Variants in PIGU observed in about 807,000 individuals in gnomAD.
PIGU encodes phosphatidylinositol glycan anchor biosynthesis class U.
In PIGU, 24 loss-of-function variants were observed where a neutral mutation model predicts 49.9. That is an observed-to-expected ratio of 0.48 (90% CI 0.35 to 0.68). PIGU has a LOEUF of 0.68. PIGU is among the 30% of genes least tolerant of loss of function. The pLI is 0.01. For synonymous variants in PIGU, 220 were observed against 205.7 expected, an observed-to-expected ratio of 1.07 and a Z score of -0.59; for missense variants, 490 against 532.6, an observed-to-expected ratio of 0.92 and a Z score of 0.79.
intron 2 of PIGU, among the ~76,000 whole-genome samples, chr20:34,652,328 T>C (rs1050070937): frequency 2.0e-5 from 3 of 152,156 alleles, no homozygotes; most frequent in African/African-American, 7.2e-5. Context: ...TTTTGACCTA[T>C]GTATACATCC....
intron 6 of PIGU, among the ~76,000 whole-genome samples, chr20:34,624,467 T>C (rs1985376718): frequency 6.6e-6 from 1 of 152,216 alleles, no homozygotes; most frequent in Non-Finnish European, 1.5e-5. Context: ...ATAGCACTGA[T>C]CCTTCTTTCT....
chr20:34,671,070 T>C (rs1426722285), intron 1 of PIGU, among the ~76,000 whole-genome samples: 1 of 152,216 alleles, frequency 6.6e-6, no homozygotes, highest in East Asian at 1.9e-4. Context: ...TAGCTCTTCA[T>C]ACAAAATATT....
At chr20:34,600,234 C>G (rs1984364150) in intron 7 of PIGU, among the ~76,000 whole-genome samples, 1 of 152,126 alleles carries the variant, frequency 6.6e-6, no homozygotes, top group Non-Finnish European at 1.5e-5. Flanking sequence ...TGGCGAAACC[C>G]TGTCTCTACT....
At chr20:34,580,796 C>T (rs1427290781) in intron 10 of PIGU, among the ~76,000 whole-genome samples, 1 of 152,176 alleles carries the variant, frequency 6.6e-6, no homozygotes, top group African/African-American at 2.4e-5. Flanking sequence ...ATGAAAAGAA[C>T]CCACCATAGA....
chr20:34,602,712 A>G (rs994546016), intron 7 of PIGU, among the ~76,000 whole-genome samples: 34 of 152,228 alleles, frequency 2.2e-4, no homozygotes, highest in African/African-American at 7.5e-4. Flanking sequence ...CACAAAATGC[A>G]GGAAATTACA....
chr20:34,642,857 A>C (rs1168569694), intron 4 of PIGU, among the ~76,000 whole-genome samples: 1 of 148,730 alleles, frequency 6.7e-6, no homozygotes, highest in Non-Finnish European at 1.5e-5. Flanking sequence ...ACCTGGGTTC[A>C]ATTGATTCTT....
At position 34,561,069 on chromosome 20, in the gene PIGU, A is replaced by G; in HGVS notation, c.1195-90T>C. The G allele has an allele frequency of 8.0e-6, 7 of 870,346 alleles. No homozygotes were observed. In the South Asian group the frequency reaches 1.2e-4, roughly 14 times the overall value. The allele number at this position is 870,346 out of a possible 1,614,324, so 53.9% of individuals were successfully genotyped here. A position where few individuals can be genotyped will look rare whatever the true frequency, so the allele number is the denominator to read the frequency against. On this transcript the variant is annotated intron_variant, in intron 11 of 11. Coordinates refer to ENST00000217446, the MANE Select transcript of PIGU (RefSeq NM_080476.5). Reference sequence around the variant, plus strand: ...CTGCTGGCAGGTGTTGTTGGAAGACAGGAACGCCCCTGCCTGGCTCTGGAT... The same window carrying G: ...CTGCTGGCAGGTGTTGTTGGAAGACGGGAACGCCCCTGCCTGGCTCTGGAT...
At chr20:34,642,652 CATATATATAT>C (rs10639203) in intron 4 of PIGU, among the ~76,000 whole-genome samples, 7 of 131,428 alleles carry the variant, frequency 5.3e-5, no homozygotes, top group East Asian at 4.4e-4. Context: ...ATATATATCT[CATATATATAT>C]ATATATATAT....
intron 7 of PIGU, among the ~76,000 whole-genome samples, chr20:34,604,646 A>G (rs561523786): frequency 5.3e-5 from 8 of 152,190 alleles, no homozygotes; most frequent in African/African-American, 1.9e-4. Context: ...GGAAGAAAAA[A>G]TAAGGTGTGA....
At chr20:34,561,749 C>T (rs547406599) in intron 11 of PIGU, among the ~76,000 whole-genome samples, 2 of 152,176 alleles carry the variant, frequency 1.3e-5, no homozygotes, top group Admixed American at 6.5e-5. Flanking sequence ...CCCGGCTCCA[C>T]CTCACCCCAC....
intron 4 of PIGU, among the ~76,000 whole-genome samples, chr20:34,638,679 G>T (rs1986046850): frequency 6.6e-6 from 1 of 152,142 alleles, no homozygotes; most frequent in African/African-American, 2.4e-5. Context: ...CTTCCACAGA[G>T]GAGGCGTAGA....
chr20:34,636,855 G>T (rs1050548060), intron 5 of PIGU, among the ~76,000 whole-genome samples: 4 of 152,126 alleles, frequency 2.6e-5, no homozygotes, highest in African/African-American at 9.7e-5. Context: ...ATTGCTGGCG[G>T]TTTTTTTCAG....
chr20:34,637,051 G>A (rs1985991036), intron 5 of PIGU, among the ~76,000 whole-genome samples: 1 of 152,102 alleles, frequency 6.6e-6, no homozygotes, highest in Non-Finnish European at 1.5e-5. Context: ...AAACTATTTG[G>A]TGGGAAGAAA....
At position 34,560,829 on chromosome 20, in the gene PIGU, G is replaced by GCC; in HGVS notation, c.*35_*36dup. The GCC allele has an allele frequency of 2.1e-6, 3 of 1,446,628 alleles. No homozygotes were observed. The highest frequency in any genetic ancestry group is 2.8e-6 in the Non-Finnish European group (3 of 1,062,916). 89.6% of individuals were successfully genotyped at this position (1,446,628 alleles called of 1,614,324 possible). On this transcript the variant is annotated 3_prime_UTR_variant, in exon 12 of 12. Transcript: ENST00000217446. Reference sequence around the variant, plus strand: ...GCTTGGCCCAGCTTCTGGCCCCACAGCCCCCTGAGGTCCATGCAGCCCTGT... The same window carrying GCC: ...GCTTGGCCCAGCTTCTGGCCCCACAGCCCCCCCTGAGGTCCATGCAGCCCTGT...
At chr20:34,591,155 A>G (rs1983963809) in intron 7 of PIGU, among the ~76,000 whole-genome samples, 1 of 152,104 alleles carries the variant, frequency 6.6e-6, no homozygotes, top group South Asian at 2.1e-4. Context: ...GATAAAATAG[A>G]CTTTTATGTA....
At chr20:34,644,269 G>A (rs1382614531) in intron 3 of PIGU, 43 bp from the exon 4 acceptor site, 2 of 1,502,368 alleles carry the variant, frequency 1.3e-6, no homozygotes, top group African/African-American at 1.4e-5. Flanking sequence ...AACACAGTAA[G>A]TGTAAGAGTA....
At chr20:34,592,642 A>G (rs778209410) in intron 7 of PIGU, among the ~76,000 whole-genome samples, 14 of 152,174 alleles carry the variant, frequency 9.2e-5, no homozygotes, top group Non-Finnish European at 7.3e-5. Flanking sequence ...GTGGAGATCA[A>G]AGGACATGAC....
rs73105090 is a variant in PIGU at position 34,639,804 on chromosome 20, G to T, written c.319-1819C>A. On this transcript the variant is annotated intron_variant, in intron 4 of 11. Transcript: ENST00000217446. ...ACAGTTGGCAGAGTCCAAGTTAAGCGGTGGGAATTATCAGTAAGATTTATG... is the reference window on the plus strand; with the variant it reads ...ACAGTTGGCAGAGTCCAAGTTAAGCTGTGGGAATTATCAGTAAGATTTATG... Among the ~76,000 whole-genome samples, 649 of 152,262 alleles carry T rather than the reference G, an allele frequency of 4.3e-3. 1 individual carries two copies. Among genetic ancestry groups the T allele is most frequent in the Non-Finnish European group, 7.3e-3 (498 of 68,024 alleles).
intron 6 of PIGU, among the ~76,000 whole-genome samples, chr20:34,623,496 C>T (rs1006661270): frequency 6.6e-6 from 1 of 152,028 alleles, no homozygotes; most frequent in African/African-American, 2.4e-5. Flanking sequence ...AATTACTGTC[C>T]CCATTTTACA....
Sources: gnomAD v4.1 joint callset for allele counts (sites outside exome capture counted in the v4.1 genomes callset) on GRCh38, gnomAD v4.1.1 for gene constraint, MANE v1.5 for transcripts, NCBI Gene and HGNC (gene_info 2026-07-23, HGNC 2026-07-21) for gene names.